The following KCNJ12 variants were observed in gnomAD, a reference collection of about 807,000 sequenced individuals.
KCNJ12 encodes potassium inwardly rectifying channel subfamily J member 12, also known as ATP-sensitive inward rectifier potassium channel 12.
KCNJ12 carries 2 observed loss-of-function variants against 22.3 expected under a neutral mutation model. The ratio of observed to expected loss-of-function variants is 0.09; its 90% CI spans 0.04 to 0.28. The LOEUF is 0.28. Ranked by LOEUF, KCNJ12 falls within the 10% of genes least tolerant of loss-of-function variation. KCNJ12 has a pLI of 1.00. For missense variants in KCNJ12, 155 were observed against 633.3 expected (o/e 0.24, Z 8.11); for synonymous variants, 117 against 261.4 (o/e 0.45, Z 5.33).
intron 1 of KCNJ12, among the ~76,000 whole-genome samples, chr17:21,406,081 C>T (rs1367293142): frequency 6.6e-6 from 1 of 152,278 alleles, no homozygotes; most frequent in Admixed American, 6.5e-5. Context: ...ACACTTCTGG[C>T]CCCCACCCCT....
intron 1 of KCNJ12, among the ~76,000 whole-genome samples, chr17:21,392,168 A>G (rs1555559393): frequency 6.6e-6 from 1 of 152,172 alleles, no homozygotes; most frequent in Non-Finnish European, 1.5e-5. Context: ...TCGTGTCCCC[A>G]GGTGTGAGTG....
In KCNJ12 at chr17:21,416,593, T is replaced by C; in HGVS notation, c.1251T>C (p.Ala417=). 1 of 1,605,692 alleles carries C rather than the reference T, an allele frequency of 6.2e-7. No individual in the cohort carries two copies. Among genetic ancestry groups the C allele is most frequent in the Non-Finnish European group, 8.5e-7 (1 of 1,175,816 alleles). Residue 417 remains alanine (A), a synonymous_variant, in exon 3 of 3, where the codon GCT becomes GCC. Transcript: ENST00000583088. ...QARHDFDRLQ[A]GGGVLEQRPY... ...GGCATGACTTTGACAGACTCCAGGCTGGCGGCGGGGTCCTGGAGCAGCGGC... is the reference window on the plus strand; with the variant it reads ...GGCATGACTTTGACAGACTCCAGGCCGGCGGCGGGGTCCTGGAGCAGCGGC...
At chr17:21,383,957 G>T (rs1205344339) in intron 1 of KCNJ12, among the ~76,000 whole-genome samples, 2 of 152,118 alleles carry the variant, frequency 1.3e-5, no homozygotes, top group African/African-American at 4.8e-5. Context: ...ACAGTAAAGT[G>T]ATAAACAGTT....
chr17:21,383,897 C>T (rs1397653444), intron 1 of KCNJ12, among the ~76,000 whole-genome samples: 1 of 152,162 alleles, frequency 6.6e-6, no homozygotes, highest in East Asian at 1.9e-4. Context: ...CGGGCATTGT[C>T]ATATTTTGTT....
intron 1 of KCNJ12, 141 bp from the exon 2 acceptor site, chr17:21,408,378 G>A (rs1199618562): frequency 4.2e-4 from 64 of 152,440 alleles, no homozygotes; most frequent in African/African-American, 1.4e-3. Flanking sequence ...CAAAGGTGCA[G>A]GCCAGAGGCC....
At chr17:21,388,586 T>G (rs1905132503) in intron 1 of KCNJ12, among the ~76,000 whole-genome samples, 1 of 152,114 alleles carries the variant, frequency 6.6e-6, no homozygotes, top group Non-Finnish European at 1.5e-5. Flanking sequence ...CAGCAGCCTG[T>G]GGTGTCACCG....
rs372691175 is a variant in KCNJ12, at chr17:21,397,106, G to A, written c.-178-11413G>A. Reference sequence around the variant, plus strand: ...ACTGAATTTGGGAGGGCAGATGCTTGGCAGTAAAGGCATGGGCTTGTTCCC... The same window carrying A: ...ACTGAATTTGGGAGGGCAGATGCTTAGCAGTAAAGGCATGGGCTTGTTCCC... On this transcript the variant is annotated intron_variant, in intron 1 of 2. Transcript: ENST00000583088. 3.7e-4 allele frequency among the ~76,000 whole-genome samples: 57 copies of A among 152,324 alleles called. 1 individual carries two copies. The highest frequency in any genetic ancestry group is 1.3e-3 in the African/African-American group (52 of 41,572).
At chr17:21,380,149 C>G (rs1904817601) in intron 1 of KCNJ12, among the ~76,000 whole-genome samples, 1 of 152,296 alleles carries the variant, frequency 6.6e-6, no homozygotes, top group South Asian at 2.1e-4. Flanking sequence ...GGCCTGAGGC[C>G]TGCATGCCAT....
chr17:21,380,047 A>G (rs1555557749), intron 1 of KCNJ12, among the ~76,000 whole-genome samples: 4 of 152,102 alleles, frequency 2.6e-5, no homozygotes, highest in African/African-American at 9.6e-5. Flanking sequence ...ACAGAACTGC[A>G]CCTTCCCCCA....
At chr17:21,387,773 C>T (rs1905114969) in intron 1 of KCNJ12, among the ~76,000 whole-genome samples, 1 of 152,218 alleles carries the variant, frequency 6.6e-6, no homozygotes, top group African/African-American at 2.4e-5. Flanking sequence ...TTCCCTCCAA[C>T]CCTCAGCTGT....
At chr17:21,415,058 G>T (rs1906616758) in intron 2 of KCNJ12, among the ~76,000 whole-genome samples, 1 of 152,306 alleles carries the variant, frequency 6.6e-6, no homozygotes, top group African/African-American at 2.4e-5. Context: ...CCTCAGTGTG[G>T]GAGTGAGGTG....
At chr17:21,387,516 T>TGA (rs1221664997) in intron 1 of KCNJ12, among the ~76,000 whole-genome samples, 3 of 134,836 alleles carry the variant, frequency 2.2e-5, no homozygotes, top group African/African-American at 8.7e-5. Context: ...AGCGCTGGGG[T>TGA]GAGGTGTTTT....
chr17:21,396,958 G>A (rs369391791), intron 1 of KCNJ12, among the ~76,000 whole-genome samples: 1 of 152,314 alleles, frequency 6.6e-6, no homozygotes, highest in African/African-American at 2.4e-5. Flanking sequence ...GGAGCACACT[G>A]TCCATCAAGG....
At chr17:21,412,076 G>A (rs1264325196) in intron 2 of KCNJ12, among the ~76,000 whole-genome samples, 1 of 152,310 alleles carries the variant, frequency 6.6e-6, no homozygotes, top group Admixed American at 6.5e-5. Context: ...GTGTGAGGCT[G>A]AGGACTGACA....
At chr17:21,406,959 T>A (rs4985859) in intron 1 of KCNJ12, among the ~76,000 whole-genome samples, 30,001 of 150,850 alleles carry the variant, frequency 0.2, no homozygotes, top group East Asian at 0.3. Context: ...GGCAGGGGGA[T>A]CCCTTTGACA....
chr17:21,384,361 G>A lies in KCNJ12; in HGVS notation c.-179+7448G>A, dbSNP rs144983604. Among the ~76,000 whole-genome samples, 999 of 152,260 alleles carry A rather than the reference G, an allele frequency of 6.6e-3. 14 individuals are homozygous for A. Among genetic ancestry groups the A allele is most frequent in the African/African-American group, 0.023 (943 of 41,542 alleles). On this transcript the variant is annotated intron_variant, in intron 1 of 2. Transcript: ENST00000583088. The stretch of plus-strand genomic sequence containing the variant: ...TTCTTTTCGTTGTCATTTTAGCTGC[G>A]TTGAGACAGAGATCCTGGATTGCAG...
At chr17:21,404,499 A>G in intron 1 of KCNJ12, among the ~76,000 whole-genome samples, 1 of 152,252 alleles carries the variant, frequency 6.6e-6, no homozygotes, top group Non-Finnish European at 1.5e-5. Context: ...CTTCCTCTTC[A>G]AGTCCTCGGT....
At chr17:21,414,825 T>G (rs1906597931) in intron 2 of KCNJ12, among the ~76,000 whole-genome samples, 1 of 152,308 alleles carries the variant, frequency 6.6e-6, no homozygotes, top group South Asian at 2.1e-4. Context: ...AGCTTCCCTG[T>G]GCAGGTCCTG....
At chr17:21,382,258 A>G (rs1427008692) in intron 1 of KCNJ12, among the ~76,000 whole-genome samples, 1 of 152,246 alleles carries the variant, frequency 6.6e-6, no homozygotes, top group East Asian at 1.9e-4. Context: ...TCTGAGGATC[A>G]CAAGCCGTTC....
Sources: allele counts gnomAD v4.1 joint callset (sites outside exome capture counted in the v4.1 genomes callset), GRCh38; gene constraint gnomAD v4.1.1; transcripts MANE v1.5; gene names NCBI Gene and HGNC (gene_info 2026-07-23, HGNC 2026-07-21).